The following CNTNAP2 variants were observed in gnomAD, a reference collection of about 807,000 sequenced individuals.
CNTNAP2 encodes the protein contactin-associated protein-like 2.
Under a neutral mutation model 155.2 loss-of-function variants are expected in CNTNAP2, and 98 were observed. That is an observed-to-expected ratio of 0.63 (90% CI 0.54 to 0.75). The LOEUF is 0.75. Ranked by LOEUF, CNTNAP2 falls within the 30% of genes least tolerant of loss-of-function variation. The pLI, the probability that CNTNAP2 is intolerant of heterozygous loss-of-function variation, is 0.00. For missense variants in CNTNAP2, 1,727 were observed against 1,688.1 expected (o/e 1.02, Z -0.40); for synonymous variants, 651 against 631.2 (o/e 1.03, Z -0.47).
intron 22 of CNTNAP2, among the ~76,000 whole-genome samples, chr7:148,386,163 C>T (rs571720540): frequency 9.7e-4 from 148 of 152,272 alleles, no homozygotes; most frequent in Non-Finnish European, 1.7e-3. Flanking sequence ...TTTCCACTTA[C>T]ACTTGGAGAG....
At chr7:146,132,129 T>A (rs113626236) in intron 1 of CNTNAP2, among the ~76,000 whole-genome samples, 2,343 of 152,286 alleles carry the variant, frequency 0.015, 52 homozygotes, top group African/African-American at 0.053. Context: ...TATCTGTATC[T>A]CAGATTGTAT....
intron 1 of CNTNAP2, among the ~76,000 whole-genome samples, chr7:146,565,053 C>T (rs915490104): frequency 2.0e-5 from 3 of 151,990 alleles, no homozygotes; most frequent in Non-Finnish European, 4.4e-5. Context: ...TTTCCTTTCA[C>T]TCTAAGGCTT....
At chr7:147,170,420 C>CTTTG (rs145029603) in intron 8 of CNTNAP2, among the ~76,000 whole-genome samples, 2,671 of 152,024 alleles carry the variant, frequency 0.018, 26 homozygotes, top group South Asian at 0.042. Flanking sequence ...TGTGCCGTGG[C>CTTTG]TTTGTTTGTT....
intron 3 of CNTNAP2, among the ~76,000 whole-genome samples, chr7:146,926,251 T>A (rs958617790): frequency 1.3e-5 from 2 of 150,494 alleles, no homozygotes; most frequent in African/African-American, 2.4e-5. Context: ...CTGTGTACAT[T>A]TGTGTGTGTG....
chr7:146,878,411 G>A (rs1795471927), intron 3 of CNTNAP2, among the ~76,000 whole-genome samples: 1 of 150,928 alleles, frequency 6.6e-6, no homozygotes, highest in Non-Finnish European at 1.5e-5. Context: ...TGCTGAGTAA[G>A]ACTCTACATT....
intron 12 of CNTNAP2, among the ~76,000 whole-genome samples, chr7:147,587,081 T>G (rs563897647): frequency 6.6e-6 from 1 of 152,180 alleles, no homozygotes; most frequent in Admixed American, 6.6e-5. Flanking sequence ...GGAAAGGAAG[T>G]GTTTGCAGCT....
chr7:147,670,414 C>G (rs1055716249), intron 13 of CNTNAP2, among the ~76,000 whole-genome samples: 2 of 152,198 alleles, frequency 1.3e-5, no homozygotes, highest in Non-Finnish European at 1.5e-5. Context: ...CCTGGGAACA[C>G]AGTCCAAAGT....
intron 1 of CNTNAP2, among the ~76,000 whole-genome samples, chr7:146,502,188 G>T: frequency 8.0e-6 from 1 of 124,266 alleles, no homozygotes; most frequent in East Asian, 2.2e-4. Flanking sequence ...TTATTTTTAT[G>T]GCTAAATAAT....
intron 13 of CNTNAP2, among the ~76,000 whole-genome samples, chr7:147,732,353 C>T (rs1796757628): frequency 6.6e-6 from 1 of 152,128 alleles, no homozygotes; most frequent in South Asian, 2.1e-4. Flanking sequence ...CATGTCCCTA[C>T]AAAGGACATG....
chr7:146,405,940 G>A (rs919068361), intron 1 of CNTNAP2, among the ~76,000 whole-genome samples: 3 of 152,170 alleles, frequency 2.0e-5, no homozygotes, highest in Non-Finnish European at 4.4e-5. Flanking sequence ...TAAAGCATGA[G>A]TGAGTAGTTG....
Position 147,419,275 on chromosome 7 carries a change from T to C in CNTNAP2, c.1670+23495T>C, listed in dbSNP as rs541537414. Reference sequence around the variant, plus strand: ...AGCCTGCAGGCAAGTTCCCTGTTGCTTTCAAGCTGGAGCTTGGCACCACAG... The same window carrying C: ...AGCCTGCAGGCAAGTTCCCTGTTGCCTTCAAGCTGGAGCTTGGCACCACAG... On this transcript the variant is annotated intron_variant, in intron 10 of 23. Transcript: ENST00000361727. 3.9e-5 allele frequency among the ~76,000 whole-genome samples: 6 copies of C among 152,262 alleles called. No homozygotes were observed. The South Asian group carries it at 1.2e-3, about 32-fold the overall frequency.
At chr7:147,371,257 G>A (rs186778177) in intron 9 of CNTNAP2, among the ~76,000 whole-genome samples, 2 of 152,140 alleles carry the variant, frequency 1.3e-5, no homozygotes, top group Admixed American at 6.6e-5. Flanking sequence ...ATCTACTTTT[G>A]TATATTTTTG....
intron 1 of CNTNAP2, among the ~76,000 whole-genome samples, chr7:146,138,006 A>G (rs1797822069): frequency 6.6e-6 from 1 of 152,030 alleles, no homozygotes; most frequent in Non-Finnish European, 1.5e-5. Context: ...TTAGGTTTAA[A>G]TATTTTTCAG....
At chr7:147,291,603 C>A (rs540934025) in intron 8 of CNTNAP2, among the ~76,000 whole-genome samples, 1 of 152,018 alleles carries the variant, frequency 6.6e-6, no homozygotes, top group Non-Finnish European at 1.5e-5. Context: ...GTCAAGCATT[C>A]CTGTATGAGT....
chr7:148,164,611 C>CTTTTT (rs1175888434), intron 17 of CNTNAP2, among the ~76,000 whole-genome samples: 6 of 93,486 alleles, frequency 6.4e-5, no homozygotes, highest in Admixed American at 1.3e-4. Context: ...TTTTCTCTCT[C>CTTTTT]TTTTTTTTTT....
intron 4 of CNTNAP2, among the ~76,000 whole-genome samples, chr7:147,055,041 A>C (rs1257379482): frequency 6.6e-6 from 1 of 152,160 alleles, no homozygotes; most frequent in Non-Finnish European, 1.5e-5. Flanking sequence ...TTACCAATTA[A>C]TGGGGGAATA....
At chr7:147,664,169 C>T (rs755542015) in intron 13 of CNTNAP2, among the ~76,000 whole-genome samples, 1 of 152,180 alleles carries the variant, frequency 6.6e-6, no homozygotes, top group Non-Finnish European at 1.5e-5. Context: ...CCCAGTGTGA[C>T]TATCAGGATT....
rs1030014329 is a variant in CNTNAP2 at position 147,309,711 on chromosome 7, T to C, written c.1498+9421T>C. On this transcript the variant is annotated intron_variant, in intron 9 of 23. Coordinates refer to ENST00000361727, the MANE Select transcript of CNTNAP2 (RefSeq NM_014141.6). ...TCAATATTTGCTATTTTATGCAATGTTCCTCATTTTAAAAAACACTTTTTT... is the reference window on the plus strand; with the variant it reads ...TCAATATTTGCTATTTTATGCAATGCTCCTCATTTTAAAAAACACTTTTTT... Among the ~76,000 whole-genome samples the C allele has an allele frequency of 2.0e-5, 3 of 152,074 alleles. No individual in the cohort carries two copies. In the East Asian group the frequency reaches 5.8e-4, roughly 29 times the overall value.
intron 12 of CNTNAP2, among the ~76,000 whole-genome samples, chr7:147,630,432 C>T (rs1795066945): frequency 6.6e-6 from 1 of 151,572 alleles, no homozygotes; most frequent in African/African-American, 2.4e-5. Flanking sequence ...GAAACTATTC[C>T]AAAAGACAGA....
Sources: allele counts gnomAD v4.1 joint callset (sites outside exome capture counted in the v4.1 genomes callset), GRCh38; gene constraint gnomAD v4.1.1; transcripts MANE v1.5; gene names NCBI Gene and HGNC (gene_info 2026-07-23, HGNC 2026-07-21).